CACNG3: variants seen among roughly 807,000 people sequenced by gnomAD.
CACNG3 encodes the protein calcium voltage-gated channel auxiliary subunit gamma 3.
CACNG3 carries 3 observed loss-of-function variants against 28.5 expected under a neutral mutation model. That is an observed-to-expected ratio of 0.11 (90% CI 0.05 to 0.27). CACNG3 has a LOEUF of 0.27. CACNG3 is among the 10% of genes least tolerant of loss of function. The pLI, the probability that CACNG3 is intolerant of heterozygous loss-of-function variation, is 1.00. For synonymous variants in CACNG3, 174 were observed against 162.2 expected (o/e 1.07, Z -0.55); for missense variants, 236 against 414.4 (o/e 0.57, Z 3.74).
rs1478599263 is a variant in CACNG3 at position 24,361,014 on chromosome 16, A to G, written c.437-338A>G. Reference sequence around the variant, plus strand: ...AAGGGCAGAGGCGTGTATCTTGTTCATTTTACAATCTTCATGACTTAGTGC... The same window carrying G: ...AAGGGCAGAGGCGTGTATCTTGTTCGTTTTACAATCTTCATGACTTAGTGC... On this transcript the variant is annotated intron_variant, in intron 3 of 3. Coordinates refer to ENST00000005284, the MANE Select transcript of CACNG3 (RefSeq NM_006539.4). The surrounding 1 kb of genome is among the most constrained non-coding windows in gnomAD (Gnocchi z 6.8). 6.6e-6 allele frequency among the ~76,000 whole-genome samples: 1 copy of G among 152,148 alleles called. No individual in the cohort carries two copies. The highest frequency in any genetic ancestry group is 1.5e-5 in the Non-Finnish European group (1 of 68,024).
chr16:24,361,830 T>C lies in CACNG3; in HGVS notation c.915T>C (p.Asn305=). ...AAGAGTTCAAAGAGTCACTGCATAA[T>C]AATCCGGCCAACAGGCGCACCACGC... ...TPKEFKESLH[N]NPANRRTTPV is the part of the protein sequence containing the mutation. The change falls in exon 4 of 4, where the codon AAT becomes AAC. Residue 305 remains asparagine, a synonymous_variant. Transcript: ENST00000005284. This position sits in a 1 kb window ranked among gnomAD's most constrained non-coding sequence, Gnocchi z 6.8. The C allele has an allele frequency of 6.2e-7, 1 of 1,612,284 alleles. No individual in the cohort carries two copies. Among genetic ancestry groups the C allele is most frequent in the Non-Finnish European group, 8.5e-7 (1 of 1,179,860 alleles).
chr16:24,345,765 G>T (rs911060918), intron 1 of CACNG3, among the ~76,000 whole-genome samples: 4 of 152,190 alleles, frequency 2.6e-5, no homozygotes, highest in African/African-American at 7.2e-5. Context: ...CAAATCTGAG[G>T]CTCCCAAAGG....
At chr16:24,328,257 C>G (rs1166605025) in intron 1 of CACNG3, among the ~76,000 whole-genome samples, 1 of 151,858 alleles carries the variant, frequency 6.6e-6, no homozygotes, top group Non-Finnish European at 1.5e-5. Flanking sequence ...AGAAATTACT[C>G]AAATGCAGGA....
At position 24,346,747 on chromosome 16, in the gene CACNG3, C is replaced by T. The variant is rs140855664; in HGVS notation, c.225C>T (p.Gly75=). 235 of 1,613,674 alleles carry T rather than the reference C, an allele frequency of 1.5e-4. No individual in the cohort carries two copies. Among genetic ancestry groups the T allele is most frequent in the Middle Eastern group, 4.9e-4 (3 of 6,062 alleles). ...RTCCLEGAFR[G]VCKKIDHFPE... ...CTGTTTCCACAGGGGCTTTCCGAGGCGTGTGCAAGAAAATCGATCACTTCC... is the reference window on the plus strand; with the variant it reads ...CTGTTTCCACAGGGGCTTTCCGAGGTGTGTGCAAGAAAATCGATCACTTCC... The change falls in exon 2 of 4, where the codon GGC becomes GGT. Residue 75 remains glycine (G), a synonymous_variant. Transcript: ENST00000005284.
chr16:24,355,718 T>C (rs570929597), intron 3 of CACNG3, among the ~76,000 whole-genome samples: 79 of 152,348 alleles, frequency 5.2e-4, no homozygotes, highest in African/African-American at 1.8e-3. Flanking sequence ...TTACTCACCA[T>C]TTTATACCCT....
intron 1 of CACNG3, among the ~76,000 whole-genome samples, chr16:24,272,425 T>C (rs1204690327): frequency 6.6e-6 from 1 of 152,152 alleles, no homozygotes; most frequent in Non-Finnish European, 1.5e-5. Context: ...ATACATTTTT[T>C]CTTTCAGTTC....
In CACNG3 at chr16:24,304,179, G is replaced by T. The variant is rs566614499; in HGVS notation, c.212-42555G>T. Among the ~76,000 whole-genome samples, 470 of 152,196 alleles carry T rather than the reference G, an allele frequency of 3.1e-3. 3 individuals are homozygous for T. The highest frequency in any genetic ancestry group is 0.017 in the Middle Eastern group (5 of 294). On this transcript the variant is annotated intron_variant, in intron 1 of 3. Transcript: ENST00000005284. ...TGTGGCGGGCTAGTGGGGGAGTGGA[G>T]AAAGAAAAAGTCTTTTAAAATGAGA...
At chr16:24,342,139 G>A (rs765219006) in intron 1 of CACNG3, among the ~76,000 whole-genome samples, 3 of 152,058 alleles carry the variant, frequency 2.0e-5, no homozygotes, top group Non-Finnish European at 2.9e-5. Flanking sequence ...ATGGTGGCAC[G>A]CGCCTGTAAT....
rs112230098 is a variant in CACNG3 at position 24,265,839 on chromosome 16, T to C, written c.211+8874T>C. Among the ~76,000 whole-genome samples, 1,232 of 152,344 alleles carry C rather than the reference T, an allele frequency of 8.1e-3. 24 individuals are homozygous for C. The highest frequency in any genetic ancestry group is 0.029 in the African/African-American group (1,189 of 41,564). ...TATATAATATCCTCAATTTTGCTGC[T>C]TGGCCTGCAAAGCCTGAAATATTTA... On this transcript the variant is annotated intron_variant, in intron 1 of 3. Transcript: ENST00000005284.
chr16:24,291,467 A>G (rs538414604), intron 1 of CACNG3, among the ~76,000 whole-genome samples: 1 of 152,338 alleles, frequency 6.6e-6, no homozygotes, highest in South Asian at 2.1e-4. Context: ...GGCTTAAAAA[A>G]ATCAAGTGAG....
chr16:24,356,973 AT>A (rs1900040524), intron 3 of CACNG3, among the ~76,000 whole-genome samples: 1 of 152,066 alleles, frequency 6.6e-6, no homozygotes, highest in Non-Finnish European at 1.5e-5. Context: ...TCATCAGATC[AT>A]GCCTGTAATC....
chr16:24,278,263 AAT>A lies in CACNG3; in HGVS notation c.211+21300_211+21301del, dbSNP rs141880754. 2.2e-3 allele frequency among the ~76,000 whole-genome samples: 336 copies of A among 152,298 alleles called. 2 individuals carry two copies. The highest frequency in any genetic ancestry group is 4.5e-3 in the Admixed American group (69 of 15,288). ...CCAATAAGACTGTAAAAAATAAGAA[AAT>A]AGGACCAAAGACAGAGCCTTGGGGG... On this transcript the variant is annotated intron_variant, in intron 1 of 3. Transcript: ENST00000005284.
At chr16:24,317,411 G>A (rs1239016149) in intron 1 of CACNG3, among the ~76,000 whole-genome samples, 1 of 151,606 alleles carries the variant, frequency 6.6e-6, no homozygotes, top group Admixed American at 6.6e-5. Flanking sequence ...GTGTGGTGGT[G>A]CATAACTGTA....
At chr16:24,360,431 G>T (rs1567227510) in intron 3 of CACNG3, among the ~76,000 whole-genome samples, 1 of 152,142 alleles carries the variant, frequency 6.6e-6, no homozygotes, top group Admixed American at 6.5e-5. Context: ...AGCCTCGCCC[G>T]TTGGAGGTAA....
intron 1 of CACNG3, among the ~76,000 whole-genome samples, chr16:24,327,649 C>CA (rs893459824): frequency 4.0e-5 from 6 of 148,412 alleles, no homozygotes; most frequent in Non-Finnish European, 7.4e-5. Context: ...CAAAACAAAA[C>CA]AAAAAAAACA....
chr16:24,265,228 TGA>T lies in CACNG3; in HGVS notation c.211+8266_211+8267del, dbSNP rs530256006. 5.2e-3 allele frequency among the ~76,000 whole-genome samples: 695 copies of T among 132,446 alleles called. 16 individuals are homozygous for T. Among genetic ancestry groups the T allele is most frequent in the Admixed American group, 4.8e-3 (60 of 12,516 alleles). The allele number at this position is 132,446 out of a possible 152,430, so 86.9% of individuals were successfully genotyped here. A position where few individuals can be genotyped will look rare whatever the true frequency, so the allele number is the denominator to read the frequency against. On this transcript the variant is annotated intron_variant, in intron 1 of 3. Transcript: ENST00000005284. Reference sequence around the variant, plus strand: ...CTGCACTCTAGCCTGGGTGACAGAGTGAGACTGTGTGAAAGAAAGAAAGAAAA... The same window carrying T: ...CTGCACTCTAGCCTGGGTGACAGAGTGACTGTGTGAAAGAAAGAAAGAAAA...
chr16:24,308,854 AAAAAAAAAAAAAAG>A (rs1899222443), intron 1 of CACNG3, among the ~76,000 whole-genome samples: 12 of 150,464 alleles, frequency 8.0e-5, no homozygotes, highest in Admixed American at 6.6e-4. Flanking sequence ...AAAAAAAAAA[AAAAAAAAAAAAAAG>A]AAAAGAAAAA....
chr16:24,335,558 T>C (rs11648329), intron 1 of CACNG3, among the ~76,000 whole-genome samples: 93,946 of 152,130 alleles, frequency 0.62, 29,521 homozygotes, highest in East Asian at 0.75. Context: ...CCTACTGTTA[T>C]TCTCAGCTTT....
chr16:24,317,254 G>A (rs1320223235), intron 1 of CACNG3, among the ~76,000 whole-genome samples: 1 of 151,944 alleles, frequency 6.6e-6, no homozygotes, highest in East Asian at 1.9e-4. Flanking sequence ...AGAAGGTGTA[G>A]AAGCAAGCCG....
Sources: allele counts gnomAD v4.1 joint callset (sites outside exome capture counted in the v4.1 genomes callset), GRCh38; gene constraint gnomAD v4.1.1; non-coding constraint Gnocchi (gnomAD v3.1); transcripts MANE v1.5; gene names NCBI Gene and HGNC (gene_info 2026-07-23, HGNC 2026-07-21).